Variants in NSUN4 observed in about 807,000 individuals in gnomAD.
The protein encoded by NSUN4 is 5-cytosine rRNA methyltransferase NSUN4.
Under a neutral mutation model 43.8 loss-of-function variants are expected in NSUN4, and 31 were observed. The ratio of observed to expected loss-of-function variants is 0.71; its 90% CI spans 0.53 to 0.96. The LOEUF is 0.96. NSUN4 is among the 40% of genes least tolerant of loss of function. The pLI is 0.00. For synonymous variants in NSUN4, 167 were observed against 184.1 expected (o/e 0.91, Z 0.75); for missense variants, 439 against 475.6 (o/e 0.92, Z 0.72).
At chr1:46,376,035 G>A in the NSUN4 span, among the ~76,000 whole-genome samples, 2,413 of 144,828 alleles carry the variant, frequency 0.017, 30 homozygotes, top group Non-Finnish European at 0.025. Context: ...CCCAGGAGGT[G>A]GAGGTTGCAG....
intron 1 of NSUN4, 41 bp downstream of exon 1, chr1:46,340,960 G>A (rs748068231): frequency 3.7e-5 from 57 of 1,531,634 alleles, no homozygotes; most frequent in Non-Finnish European, 5.1e-5. Flanking sequence ...AAGTGAGGGT[G>A]GAAACTTCTC....
downstream of NSUN4, among the ~76,000 whole-genome samples, chr1:46,367,888 C>T (rs372919753): frequency 7.9e-5 from 12 of 151,106 alleles, no homozygotes; most frequent in East Asian, 2.0e-3. Context: ...CCTCAGCCTA[C>T]TGAGTAGCTG....
At chr1:46,341,711 A>G (rs922847069) in intron 1 of NSUN4, 2 of 1,230,690 alleles carry the variant, frequency 1.6e-6, no homozygotes, top group Non-Finnish European at 2.0e-6. Flanking sequence ...CACTCCTGGA[A>G]AGGACCTACT....
intron 4 of NSUN4, among the ~76,000 whole-genome samples, chr1:46,358,993 C>T (rs1663604689): frequency 6.6e-6 from 1 of 152,210 alleles, no homozygotes; most frequent in South Asian, 2.1e-4. Context: ...CATGATGGCT[C>T]ATGCCTGTAA....
At chr1:46,366,884 A>C (rs1664149450), downstream of NSUN4, among the ~76,000 whole-genome samples, 3 of 152,098 alleles carry the variant, frequency 2.0e-5, no homozygotes, top group African/African-American at 4.8e-5. Context: ...GAACCACAGC[A>C]GAGGGTCAGG....
At chr1:46,366,367 G>A (rs536430288), downstream of NSUN4, among the ~76,000 whole-genome samples, 8 of 152,192 alleles carry the variant, frequency 5.3e-5, no homozygotes, top group African/African-American at 1.9e-4. Context: ...GGGCTGGAGG[G>A]AACATAAAGT....
At chr1:46,361,400 C>T (rs1309767839) in intron 5 of NSUN4, among the ~76,000 whole-genome samples, 170 bp from the exon 6 acceptor site, 2 of 152,108 alleles carry the variant, frequency 1.3e-5, no homozygotes. Flanking sequence ...TGCTATCTGC[C>T]TTGAGAGTGA....
downstream of NSUN4, among the ~76,000 whole-genome samples, chr1:46,368,204 A>G (rs898967957): frequency 9.9e-5 from 15 of 151,976 alleles, no homozygotes; most frequent in African/African-American, 3.6e-4. Context: ...AATCAGCCCT[A>G]AATTCTTCCA....
chr1:46,357,236 A>G (rs1000536722), intron 4 of NSUN4, among the ~76,000 whole-genome samples: 2 of 152,120 alleles, frequency 1.3e-5, no homozygotes, highest in African/African-American at 2.4e-5. Context: ...CTGGAGTGCA[A>G]TGGCACAATC....
chr1:46,356,260 G>A (rs1167988317), intron 4 of NSUN4, among the ~76,000 whole-genome samples: 1 of 152,098 alleles, frequency 6.6e-6, no homozygotes, highest in Non-Finnish European at 1.5e-5. Context: ...TTGTAGAGAT[G>A]AGGTCTCACT....
intron 3 of NSUN4, among the ~76,000 whole-genome samples, chr1:46,349,342 G>A (rs548030584): frequency 4.0e-5 from 6 of 151,328 alleles, no homozygotes; most frequent in African/African-American, 7.3e-5. Context: ...GGGTTTCACC[G>A]TGTTAGCCAG....
intron 3 of NSUN4, among the ~76,000 whole-genome samples, chr1:46,350,258 C>T (rs1135459): frequency 0.22 from 34,088 of 152,000 alleles, 4,296 homozygotes; most frequent in Non-Finnish European, 0.29. Flanking sequence ...GGCCGGGGGG[C>T]GGTGACTCAC....
the NSUN4 span, among the ~76,000 whole-genome samples, chr1:46,382,654 T>G: frequency 6.6e-6 from 1 of 150,424 alleles, no homozygotes; most frequent in Non-Finnish European, 1.5e-5. Context: ...CAGGCTGGAG[T>G]GCAGTGGCAT....
rs1232819561 is a variant in NSUN4, at chr1:46,353,036, AT to A, written c.753+10del. Reference sequence around the variant, plus strand: ...GGGGACACCTATGACCGGGTGAGTGATTCTTGATTTAGGACATGCATCCAGC... The same window carrying A: ...GGGGACACCTATGACCGGGTGAGTGATCTTGATTTAGGACATGCATCCAGC... On this transcript the variant is annotated intron_variant, in intron 4 of 5. Coordinates refer to ENST00000474844, the MANE Select transcript of NSUN4 (RefSeq NM_199044.4). 3.1e-6 allele frequency: 5 copies of A among 1,613,756 alleles called. No homozygotes were observed. The highest frequency in any genetic ancestry group is 4.2e-6 in the Non-Finnish European group (5 of 1,179,788).
chr1:46,360,249 A>AAAAAAATATATATATAT (rs1553177947), intron 4 of NSUN4, among the ~76,000 whole-genome samples: 1 of 25,768 alleles, frequency 3.9e-5, no homozygotes, highest in Non-Finnish European at 7.2e-5. Flanking sequence ...AAAAAAAAAA[A>AAAAAAATATATATATAT]ATATATATAT....
the NSUN4 span, among the ~76,000 whole-genome samples, chr1:46,372,163 T>C: frequency 7.5e-5 from 11 of 147,306 alleles, no homozygotes; most frequent in South Asian, 2.4e-3. Context: ...TTTTTTGAGA[T>C]GGAGTCTCGC....
Position 46,346,902 on chromosome 1 carries a change from G to A in NSUN4, c.438-19G>A. 1 of 1,607,502 alleles carries A rather than the reference G, an allele frequency of 6.2e-7. No homozygotes were observed. Among genetic ancestry groups the A allele is most frequent in the African/African-American group, 1.3e-5 (1 of 74,972 alleles). ...TCCTGACCTGGAATTTAACAATAAA[G>A]TGGTCTCCTCTTTTCCAGACCTGGC... On this transcript the variant is annotated intron_variant, in intron 2 of 5. Coordinates refer to ENST00000474844, the MANE Select transcript of NSUN4 (RefSeq NM_199044.4).
At chr1:46,352,052 T>C (rs905104454) in intron 3 of NSUN4, among the ~76,000 whole-genome samples, 1 of 151,186 alleles carries the variant, frequency 6.6e-6, no homozygotes, top group African/African-American at 2.4e-5. Flanking sequence ...GGTCTTGAAC[T>C]CCTGGGCTGA....
At chr1:46,347,175 C>T (rs1034095644) in intron 3 of NSUN4, 100 bp downstream of exon 3, 36 of 1,275,870 alleles carry the variant, frequency 2.8e-5, no homozygotes, top group African/African-American at 2.8e-4. Flanking sequence ...CAGTGGCTCC[C>T]GCCTGTAATC....
Sources: gnomAD v4.1 joint callset for allele counts (sites outside exome capture counted in the v4.1 genomes callset) on GRCh38, gnomAD v4.1.1 for gene constraint, MANE v1.5 for transcripts, NCBI Gene and HGNC (gene_info 2026-07-23, HGNC 2026-07-21) for gene names.